LRMDA: variants seen among roughly 807,000 people sequenced by gnomAD.
LRMDA encodes leucine rich melanocyte differentiation associated.
A neutral mutation model predicts 29.8 loss-of-function variants in LRMDA; 18 were observed. The observed-to-expected ratio is 0.60, with a 90% CI of 0.42 to 0.90. The LOEUF is 0.90. LRMDA is among the 40% of genes least tolerant of loss of function. LRMDA has a pLI of 0.00. For synonymous variants in LRMDA, 125 were observed against 109.4 expected (o/e 1.14, Z -0.89); for missense variants, 273 against 273.9 (o/e 1.00, Z 0.02).
chr10:76,197,981 C>A (rs1851360798), intron 5 of LRMDA, among the ~76,000 whole-genome samples: 2 of 152,056 alleles, frequency 1.3e-5, no homozygotes, highest in Admixed American at 1.3e-4. Context: ...ACTACACAGT[C>A]TTTGTCCTTG....
intron 2 of LRMDA, among the ~76,000 whole-genome samples, chr10:75,833,929 G>T (rs1037545269): frequency 1.3e-5 from 2 of 152,112 alleles, no homozygotes; most frequent in African/African-American, 4.8e-5. Context: ...TAGGTTTCAG[G>T]ACCCGGGAAT....
intron 2 of LRMDA, among the ~76,000 whole-genome samples, chr10:75,617,932 T>A (rs1169706782): frequency 2.0e-5 from 3 of 152,184 alleles, no homozygotes; most frequent in Admixed American, 6.5e-5. Context: ...TCGCTAGGCC[T>A]TTGTCGCCTT....
chr10:76,196,325 T>TTAG (rs1851330608), intron 5 of LRMDA, among the ~76,000 whole-genome samples: 1 of 152,224 alleles, frequency 6.6e-6, no homozygotes, highest in African/African-American at 2.4e-5. Context: ...CTACTCAATA[T>TTAG]TAGGACCTGG....
chr10:75,864,217 G>A (rs1481947839), intron 2 of LRMDA, among the ~76,000 whole-genome samples: 2 of 152,190 alleles, frequency 1.3e-5, no homozygotes, highest in Non-Finnish European at 2.9e-5. Flanking sequence ...TATAGTAAAT[G>A]TTAGGGAACT....
At chr10:75,651,615 G>A (rs1841600647) in intron 2 of LRMDA, among the ~76,000 whole-genome samples, 2 of 152,190 alleles carry the variant, frequency 1.3e-5, no homozygotes. Context: ...TGTGTTAGAA[G>A]AGGGAATATA....
chr10:75,695,912 C>T (rs532921021), intron 2 of LRMDA, among the ~76,000 whole-genome samples: 5 of 152,104 alleles, frequency 3.3e-5, no homozygotes, highest in Non-Finnish European at 7.4e-5. Context: ...TGCAGGAGAA[C>T]CCTTGAGAAG....
At chr10:76,351,898 G>A (rs1390270739) in intron 6 of LRMDA, among the ~76,000 whole-genome samples, 3 of 152,068 alleles carry the variant, frequency 2.0e-5, no homozygotes, top group Admixed American at 1.3e-4. Context: ...AACAGTAAAA[G>A]GTGGGTGCCA....
chr10:76,398,071 G>C (rs1841807652), intron 6 of LRMDA, among the ~76,000 whole-genome samples: 1 of 152,174 alleles, frequency 6.6e-6, no homozygotes, highest in Non-Finnish European at 1.5e-5. Flanking sequence ...TATGTTTTCA[G>C]CTGTGCCAGA....
chr10:75,434,576 C>T (rs1269552604), intron 1 of LRMDA, among the ~76,000 whole-genome samples: 1 of 152,166 alleles, frequency 6.6e-6, no homozygotes, highest in Non-Finnish European at 1.5e-5. Context: ...CTTCCAGTAC[C>T]ACACATACAC....
chr10:76,225,008 G>A (rs1851924962), intron 5 of LRMDA, among the ~76,000 whole-genome samples: 1 of 151,976 alleles, frequency 6.6e-6, no homozygotes, highest in Non-Finnish European at 1.5e-5. Context: ...GTCCCAGCTA[G>A]TATGTCAGGT....
At chr10:76,504,521 T>C (rs1034079393) in intron 6 of LRMDA, among the ~76,000 whole-genome samples, 1 of 152,134 alleles carries the variant, frequency 6.6e-6, no homozygotes, top group Non-Finnish European at 1.5e-5. Flanking sequence ...ATGTTTATGA[T>C]AGTTAAATCT....
chr10:75,831,264 G>A (rs180865650), intron 2 of LRMDA, among the ~76,000 whole-genome samples: 1 of 152,132 alleles, frequency 6.6e-6, no homozygotes, highest in Non-Finnish European at 1.5e-5. Flanking sequence ...AACCAGGATG[G>A]TCTTGATCTC....
At chr10:75,739,569 G>A (rs1171036596) in intron 2 of LRMDA, among the ~76,000 whole-genome samples, 2 of 152,152 alleles carry the variant, frequency 1.3e-5, no homozygotes, top group South Asian at 2.1e-4. Context: ...TATCGTTGGC[G>A]GGTTTGACAG....
At chr10:75,629,136 T>C (rs2132111637) in intron 2 of LRMDA, among the ~76,000 whole-genome samples, 1 of 152,314 alleles carries the variant, frequency 6.6e-6, no homozygotes, top group African/African-American at 2.4e-5. Flanking sequence ...TACCTCACTG[T>C]GACTCCCCAG....
In LRMDA at chr10:75,636,726, G is replaced by A. The variant is rs544989576; in HGVS notation, c.131+198232G>A. On this transcript the variant is annotated intron_variant, in intron 2 of 6. Coordinates refer to ENST00000611255, the MANE Select transcript of LRMDA (RefSeq NM_001305581.2). ...CTGTATTTCTGGGTGAGAGCCCAGC[G>A]TCATGAACAGCCTTCATTCCACCTG... Among the ~76,000 whole-genome samples the A allele has an allele frequency of 8.5e-5, 13 of 152,234 alleles. No homozygotes were observed. The South Asian group carries it at 1.5e-3, about 17-fold the overall frequency.
intron 5 of LRMDA, among the ~76,000 whole-genome samples, chr10:76,066,280 G>T (rs917468438): frequency 6.6e-6 from 1 of 152,196 alleles, no homozygotes; most frequent in Non-Finnish European, 1.5e-5. Flanking sequence ...TGGTACATTA[G>T]ATGCACAGAA....
chr10:76,473,581 T>C (rs1842639255), intron 6 of LRMDA, among the ~76,000 whole-genome samples: 1 of 150,652 alleles, frequency 6.6e-6, no homozygotes, highest in South Asian at 2.1e-4. Context: ...AGTATTTACT[T>C]GCAGATCTTG....
intron 6 of LRMDA, among the ~76,000 whole-genome samples, chr10:76,424,552 A>G (rs1842104219): frequency 6.6e-6 from 1 of 152,196 alleles, no homozygotes; most frequent in African/African-American, 2.4e-5. Flanking sequence ...AAACAAAAAC[A>G]AAAACAAAAA....
chr10:76,260,684 TC>T (rs1163358943), intron 5 of LRMDA: 1 of 152,198 alleles, frequency 6.6e-6, no homozygotes, highest in African/African-American at 2.4e-5. Flanking sequence ...TTGGGGTGAC[TC>T]TATTTGGAGT....
Sources: allele counts gnomAD v4.1 joint callset (sites outside exome capture counted in the v4.1 genomes callset), GRCh38; gene constraint gnomAD v4.1.1; transcripts MANE v1.5; gene names NCBI Gene and HGNC (gene_info 2026-07-23, HGNC 2026-07-21).